The following SLC9A9 variants were observed in gnomAD, a reference collection of about 807,000 sequenced individuals.
SLC9A9 encodes sodium/hydrogen exchanger 9.
A neutral mutation model predicts 77.8 loss-of-function variants in SLC9A9; 62 were observed. The ratio of observed to expected loss-of-function variants is 0.80; its 90% CI spans 0.65 to 0.98. The LOEUF (loss-of-function observed/expected upper bound fraction) is 0.98, where lower values mean the gene tolerates loss of function less well. Among genes scored for constraint, SLC9A9 ranks in the 50% least tolerant of loss-of-function variants. The pLI, the probability that SLC9A9 is intolerant of heterozygous loss-of-function variation, is 0.00. For missense variants in SLC9A9, 775 were observed against 774.9 expected (o/e 1.00, Z 0.00); for synonymous variants, 320 against 283.5 (o/e 1.13, Z -1.29).
chr3:143,376,327 C>T (rs1261679712), intron 13 of SLC9A9, among the ~76,000 whole-genome samples: 4 of 152,276 alleles, frequency 2.6e-5, no homozygotes, highest in East Asian at 1.9e-4. Context: ...AGAAAGAACA[C>T]GTTTACAGAT....
intron 5 of SLC9A9, among the ~76,000 whole-genome samples, chr3:143,656,553 C>A (rs1433886594): frequency 6.6e-6 from 1 of 152,168 alleles, no homozygotes; most frequent in Non-Finnish European, 1.5e-5. Context: ...ATTAGCAGCT[C>A]TATGACCCCT....
At chr3:143,842,226 A>G (rs923327414) in intron 1 of SLC9A9, among the ~76,000 whole-genome samples, 4 of 152,150 alleles carry the variant, frequency 2.6e-5, no homozygotes, top group Non-Finnish European at 4.4e-5. Flanking sequence ...TAAAAACACA[A>G]AAAAGTTAGC....
chr3:143,525,530 T>C (rs1216929236), intron 9 of SLC9A9, among the ~76,000 whole-genome samples: 1 of 152,154 alleles, frequency 6.6e-6, no homozygotes, highest in African/African-American at 2.4e-5. Context: ...TTCCCAATCA[T>C]CCCACAAGCT....
intron 11 of SLC9A9, among the ~76,000 whole-genome samples, chr3:143,484,105 G>C (rs1339479960): frequency 6.6e-6 from 1 of 152,090 alleles, no homozygotes; most frequent in South Asian, 2.1e-4. Context: ...GTGAAGAAAG[G>C]CTTCATCTAA....
intron 14 of SLC9A9, among the ~76,000 whole-genome samples, chr3:143,354,904 G>T (rs1430117568): frequency 6.6e-6 from 1 of 152,154 alleles, no homozygotes; most frequent in East Asian, 1.9e-4. Context: ...TCACAGTAAG[G>T]TACAAGAGTA....
intron 12 of SLC9A9, among the ~76,000 whole-genome samples, chr3:143,408,352 G>T (rs2034024347): frequency 6.6e-6 from 1 of 152,146 alleles, no homozygotes; most frequent in African/African-American, 2.4e-5. Flanking sequence ...AAGGCCCTAG[G>T]TTCTGCTACA....
chr3:143,787,542 T>C (rs191418852), intron 4 of SLC9A9, among the ~76,000 whole-genome samples: 74 of 152,342 alleles, frequency 4.9e-4, no homozygotes, highest in Non-Finnish European at 8.7e-4. Context: ...TTTGAAAAGA[T>C]ACCATATTAC....
At chr3:143,583,119 C>T (rs190094003) in intron 6 of SLC9A9, among the ~76,000 whole-genome samples, 2 of 151,834 alleles carry the variant, frequency 1.3e-5, no homozygotes, top group African/African-American at 2.4e-5. Context: ...GGCCACTGCA[C>T]CCTAGCCTGG....
At chr3:143,454,590 G>A in intron 12 of SLC9A9, among the ~76,000 whole-genome samples, 1 of 152,154 alleles carries the variant, frequency 6.6e-6, no homozygotes, top group Admixed American at 6.6e-5. Flanking sequence ...AACCTTAGCA[G>A]CATAAAACAA....
At chr3:143,330,001 A>G (rs1318991184) in intron 14 of SLC9A9, among the ~76,000 whole-genome samples, 1 of 152,148 alleles carries the variant, frequency 6.6e-6, no homozygotes, top group African/African-American at 2.4e-5. Context: ...TACTGGAAAA[A>G]AAAGAAAATG....
intron 6 of SLC9A9, among the ~76,000 whole-genome samples, chr3:143,622,259 A>G (rs9799045): frequency 0.13 from 20,010 of 152,214 alleles, 1,639 homozygotes; most frequent in Non-Finnish European, 0.18. Flanking sequence ...CAGGAAATAC[A>G]GAGAACGCCA....
At chr3:143,532,801 C>G (rs574844514) in intron 9 of SLC9A9, among the ~76,000 whole-genome samples, 1 of 152,278 alleles carries the variant, frequency 6.6e-6, no homozygotes, top group East Asian at 1.9e-4. Flanking sequence ...TTTAGGGATG[C>G]TAGGGCCCTT....
At chr3:143,293,372 A>G (rs2030105068) in intron 14 of SLC9A9, among the ~76,000 whole-genome samples, 1 of 152,218 alleles carries the variant, frequency 6.6e-6, no homozygotes. Context: ...CCAAAAATCA[A>G]TATTGTGTAC....
chr3:143,277,858 G>T (rs775000819), intron 14 of SLC9A9, among the ~76,000 whole-genome samples: 2 of 152,128 alleles, frequency 1.3e-5, no homozygotes, highest in African/African-American at 2.4e-5. Flanking sequence ...GTGCTCCTCC[G>T]TTCCAAGTCT....
intron 9 of SLC9A9, among the ~76,000 whole-genome samples, chr3:143,531,144 T>C (rs1258104341): frequency 6.6e-6 from 1 of 152,234 alleles, no homozygotes; most frequent in African/African-American, 2.4e-5. Flanking sequence ...CTTTTATAGA[T>C]TCTGGTGCCA....
In SLC9A9 at chr3:143,502,820, G is replaced by T. The variant is rs143709577; in HGVS notation, c.1090-7372C>A. Among the ~76,000 whole-genome samples, 8 of 152,202 alleles carry T rather than the reference G, an allele frequency of 5.3e-5. No individual in the cohort carries two copies. The East Asian group carries it at 1.5e-3, about 29-fold the overall frequency. ...TTATTTTCTTTAGAATTTTATCTCA[G>T]AATTAATCTTGGCTTATATTTTCAT... is the stretch of plus-strand genomic sequence containing the variant. On this transcript the variant is annotated intron_variant, in intron 9 of 15. Transcript: ENST00000316549.
intron 4 of SLC9A9, among the ~76,000 whole-genome samples, chr3:143,734,517 C>T (rs1039383333): frequency 3.3e-5 from 5 of 151,982 alleles, no homozygotes; most frequent in African/African-American, 9.7e-5. Flanking sequence ...GGGCGGATCA[C>T]GAGGTCAGGA....
intron 14 of SLC9A9, among the ~76,000 whole-genome samples, chr3:143,357,703 G>A (rs754322646): frequency 2.0e-5 from 3 of 152,150 alleles, no homozygotes; most frequent in Non-Finnish European, 2.9e-5. Context: ...AAGTCCATCA[G>A]TAACCTTGGA....
intron 4 of SLC9A9, among the ~76,000 whole-genome samples, chr3:143,708,933 G>A (rs1934068028): frequency 6.6e-6 from 1 of 152,166 alleles, no homozygotes; most frequent in African/African-American, 2.4e-5. Flanking sequence ...AGTGATAAAA[G>A]GTTCAGAGGA....
Sources: gnomAD v4.1 joint callset for allele counts (sites outside exome capture counted in the v4.1 genomes callset) on GRCh38, gnomAD v4.1.1 for gene constraint, MANE v1.5 for transcripts, NCBI Gene and HGNC (gene_info 2026-07-23, HGNC 2026-07-21) for gene names.